COL6A1: variants seen among roughly 807,000 people sequenced by gnomAD.
COL6A1 encodes collagen alpha-1(VI) chain.
COL6A1 carries 80 observed loss-of-function variants against 145.6 expected under a neutral mutation model. The observed-to-expected ratio is 0.55, with a 90% confidence interval of 0.46 to 0.66. The LOEUF is 0.66. COL6A1 is among the 30% of genes least tolerant of loss of function. The probability of loss-of-function intolerance (pLI) is 0.00; values close to 1 mark genes in which losing one functional copy is unlikely to be tolerated. For synonymous variants in COL6A1, 638 were observed against 622.8 expected (o/e 1.02, Z -0.36); for missense variants, 1,364 against 1,473.8 (o/e 0.93, Z 1.22).
intron 30 of COL6A1, 84 bp downstream of exon 30, chr21:46,001,470 C>A: frequency 2.6e-6 from 4 of 1,551,588 alleles, no homozygotes. Context: ...AGACCTCAGC[C>A]TCCCGAGGCC....
Position 45,999,861 on chromosome 21 carries a change from C to CGTGAAGATCATAGGGGGACGT in COL6A1, c.1776+173_1776+174insAGATCATAGGGGGACGTGTGA, listed in dbSNP as rs1189768702. Among the ~76,000 whole-genome samples, 22,769 of 55,638 alleles carry CGTGAAGATCATAGGGGGACGT rather than the reference C, an allele frequency of 0.41. 5,518 individuals carry two copies. The highest frequency in any genetic ancestry group is 0.71 in the East Asian group (1,724 of 2,430). The allele number at this position is 55,638 out of a possible 152,430, so 36.5% of individuals were successfully genotyped here. On this transcript the variant is annotated intron_variant, in intron 27 of 34. Transcript: ENST00000361866. ...GACCCGTGACGGCCATGGGAGGACC[C>CGTGAAGATCATAGGGGGACGT]GTGAGGATCATAGGGGGATGTGTGA...
At chr21:45,993,759 A>G (rs1207891777) in intron 19 of COL6A1, among the ~76,000 whole-genome samples, 1 of 152,182 alleles carries the variant, frequency 6.6e-6, no homozygotes, top group East Asian at 1.9e-4. Flanking sequence ...ACTGCCTTCT[A>G]GGCCCACTCC....
At chr21:45,998,079 G>A (rs767586380) in intron 22 of COL6A1, 42 bp from the exon 23 acceptor site, 4 of 1,608,400 alleles carry the variant, frequency 2.5e-6, no homozygotes, top group Non-Finnish European at 3.4e-6. Context: ...GGTATCCCAG[G>A]CCAGGCCGAT....
In COL6A1 at chr21:45,990,784, G is replaced by A. The variant is rs2077772087; in HGVS notation, c.1014G>A (p.Gly338=). The A allele has an allele frequency of 6.2e-7, 1 of 1,613,376 alleles. No homozygotes were observed. The highest frequency in any genetic ancestry group is 8.5e-7 in the Non-Finnish European group (1 of 1,179,978). The change falls in exon 14 of 35, where the codon GGG becomes GGA. Residue 338 remains glycine (G), a synonymous_variant. Transcript: ENST00000361866. ...DGVDGVKGEM[G]YPGLPGCKGS... is the part of the protein sequence containing the mutation. ...CTTCCTCTTTCCAGGGGGAGATGGGGTACCCAGGCCTGCCAGGCTGCAAGG... is the reference window on the plus strand; with the variant it reads ...CTTCCTCTTTCCAGGGGGAGATGGGATACCCAGGCCTGCCAGGCTGCAAGG...
At chr21:45,997,603 C>G (rs2077813063) in intron 21 of COL6A1, 97 bp from the exon 22 acceptor site, 2 of 1,535,070 alleles carry the variant, frequency 1.3e-6, no homozygotes, top group Non-Finnish European at 1.8e-6. Flanking sequence ...GGTGTCCTGG[C>G]TCCCGATGGG....
chr21:45,985,100 A>C (rs897986131), intron 3 of COL6A1, among the ~76,000 whole-genome samples: 2 of 152,048 alleles, frequency 1.3e-5, no homozygotes, highest in African/African-American at 4.8e-5. Context: ...ACAGAGAGAC[A>C]GAGACAGAGG....
chr21:45,985,536 G>A (rs35383442), intron 3 of COL6A1, among the ~76,000 whole-genome samples: 23,788 of 152,204 alleles, frequency 0.16, 2,928 homozygotes, highest in African/African-American at 0.34. Flanking sequence ...CCCGAAGCAT[G>A]CGCTTTCTCG....
Position 45,994,239 on chromosome 21 carries a change from G to A in COL6A1, c.1398+10G>A, listed in dbSNP as rs143438559. 3.1e-4 allele frequency: 501 copies of A among 1,608,118 alleles called. No homozygotes were observed. Among genetic ancestry groups the A allele is most frequent in the Non-Finnish European group, 4.0e-4 (476 of 1,177,760 alleles). ...TGTCCCTGGAGACCCGGTAGGAAGC[G>A]CTGTGGGGTTGGGGGGCGTTGGCCA... On this transcript the variant is annotated intron_variant, in intron 20 of 34. Transcript: ENST00000361866. The surrounding 1 kb of genome is among the most constrained non-coding windows in gnomAD (Gnocchi z 6.8).
rs1018859285 is a variant in COL6A1 at position 46,004,128 on chromosome 21, T to A, written c.*115T>A. 24 of 1,440,070 alleles carry A rather than the reference T, an allele frequency of 1.7e-5. No individual in the cohort carries two copies. The highest frequency in any genetic ancestry group is 7.0e-5 in the African/African-American group (5 of 71,374). 89.2% of individuals were successfully genotyped at this position (1,440,070 alleles called of 1,614,324 possible). A position where few individuals can be genotyped will look rare whatever the true frequency, so the allele number is the denominator to read the frequency against. On this transcript the variant is annotated 3_prime_UTR_variant, in exon 35 of 35. Transcript: ENST00000361866. Reference sequence around the variant, plus strand: ...CCAACCTGATTCGCTAGATTTTTTTTAAGGAAAAGCTTGGAAAGCCAGGAC... The same window carrying A: ...CCAACCTGATTCGCTAGATTTTTTTAAAGGAAAAGCTTGGAAAGCCAGGAC...
In COL6A1 at chr21:45,994,322, T is replaced by G; in HGVS notation, c.1398+93T>G. The G allele has an allele frequency of 8.0e-7, 1 of 1,244,436 alleles. No homozygotes were observed. 77.1% of individuals were successfully genotyped at this position (1,244,436 alleles called of 1,614,324 possible). The stretch of plus-strand genomic sequence containing the variant: ...GCTCACGCACTGGGGGTCTGTTCAT[T>G]TCCGTTTGAGGGCCTCTGTGTTTCC... On this transcript the variant is annotated intron_variant, in intron 20 of 34. Transcript: ENST00000361866. This position sits in a 1 kb window ranked among gnomAD's most constrained non-coding sequence, Gnocchi z 6.8.
intron 15 of COL6A1, among the ~76,000 whole-genome samples, chr21:45,991,560 C>T (rs1393162548): frequency 3.3e-5 from 5 of 152,184 alleles, no homozygotes; most frequent in Admixed American, 3.3e-4. Context: ...CTGGTGTTTT[C>T]TCTGGAGTTT....
Position 46,004,509 on chromosome 21 carries a change from T to C in COL6A1, c.*496T>C, listed in dbSNP as rs1179870934. On this transcript the variant is annotated 3_prime_UTR_variant, in exon 35 of 35. Coordinates refer to ENST00000361866, the MANE Select transcript of COL6A1 (RefSeq NM_001848.3). The stretch of plus-strand genomic sequence containing the variant: ...CCCTCTCCTCTGTCCCCATAGCTGG[T>C]TTTTCCCACCAATCCTCACCTAACA... 4.5e-5 allele frequency: 14 copies of C among 309,578 alleles called. No individual in the cohort carries two copies. The highest frequency in any genetic ancestry group is 9.3e-5 in the Non-Finnish European group (14 of 150,220). The allele number at this position is 309,578 out of a possible 1,614,324, so 19.2% of individuals were successfully genotyped here.
intron 12 of COL6A1, 28 bp from the exon 13 acceptor site, chr21:45,990,350 C>T: frequency 6.3e-7 from 1 of 1,598,534 alleles, no homozygotes; most frequent in Non-Finnish European, 8.5e-7. Context: ...CTGCATCTGA[C>T]TCCTGCCTTC....
In COL6A1 at chr21:45,982,746, C is replaced by G. The variant is rs1569517616; in HGVS notation, c.210C>G (p.Ile70Met). ...TCAAGTCCTTCACCAAGCGCTTCATCGACAACCTGAGGGACAGGTAGGAGG... is the reference window on the plus strand; with the variant it reads ...TCAAGTCCTTCACCAAGCGCTTCATGGACAACCTGAGGGACAGGTAGGAGG... ...DKVKSFTKRF[I>M]DNLRDRYYRC... The change falls in exon 2 of 35, where the codon ATC becomes ATG. Residue 70 changes from isoleucine (I) to methionine (M), a missense_variant. Ile to Met is a conservative substitution (Grantham distance 10). Around this residue, in one of 3 missense-constraint regions of COL6A1, gnomAD observed 414 missense variants for 437.6 expected, o/e 0.95. Coordinates refer to ENST00000361866, the MANE Select transcript of COL6A1 (RefSeq NM_001848.3). 6.2e-7 allele frequency: 1 copy of G among 1,612,474 alleles called. No homozygotes were observed. Among genetic ancestry groups the G allele is most frequent in the Non-Finnish European group, 8.5e-7 (1 of 1,179,960 alleles).
chr21:46,003,279 C>G, intron 34 of COL6A1, 112 bp from the exon 35 acceptor site: 1 of 1,598,790 alleles, frequency 6.3e-7, no homozygotes, highest in East Asian at 2.2e-5. Context: ...ACTCCGGTGG[C>G]TGAGCACCAC....
At chr21:45,991,912 C>T in intron 15 of COL6A1, 98 bp from the exon 16 acceptor site, 1 of 1,219,160 alleles carries the variant, frequency 8.2e-7, no homozygotes, top group African/African-American at 1.5e-5. Flanking sequence ...GAGGGAGTGG[C>T]CTGAAGTATG....
At position 45,992,232 on chromosome 21, in the gene COL6A1, C is replaced by T. The variant is rs2077781028; in HGVS notation, c.1236+15C>T. 2.5e-6 allele frequency: 4 copies of T among 1,613,654 alleles called. No homozygotes were observed. Among genetic ancestry groups the T allele is most frequent in the Non-Finnish European group, 3.4e-6 (4 of 1,179,982 alleles). On this transcript the variant is annotated intron_variant, in intron 17 of 34. Coordinates refer to ENST00000361866, the MANE Select transcript of COL6A1 (RefSeq NM_001848.3). Reference sequence around the variant, plus strand: ...CGGGCGACGAGGTGAGTGAGGGCTCCTGACACCTTCCTGGGGAAGTGCATG... The same window carrying T: ...CGGGCGACGAGGTGAGTGAGGGCTCTTGACACCTTCCTGGGGAAGTGCATG...
At position 46,003,714 on chromosome 21, in the gene COL6A1, G is replaced by T; in HGVS notation, c.2788G>T (p.Ala930Ser). 6.2e-7 allele frequency: 1 copy of T among 1,613,028 alleles called. No homozygotes were observed. The highest frequency in any genetic ancestry group is 1.1e-5 in the South Asian group (1 of 91,080). ...LGYVTRFYREASSGAAKKRLL... is the reference protein window; with the variant it reads ...LGYVTRFYRESSSGAAKKRLL... Reference sequence around the variant, plus strand: ...CTATGTGACCCGCTTCTACCGCGAGGCCTCGTCCGGCGCTGCCAAGAAGAG... The same window carrying T: ...CTATGTGACCCGCTTCTACCGCGAGTCCTCGTCCGGCGCTGCCAAGAAGAG... The change falls in exon 35 of 35, where the codon GCC becomes TCC. Residue 930 changes from alanine (A) to serine (S), a missense_variant. Physicochemically the swap from Ala to Ser is moderately conservative, Grantham distance 99. Transcript: ENST00000361866.
At chr21:46,002,486 C>T (rs1057121573) in intron 32 of COL6A1, 41 bp from the exon 33 acceptor site, 15 of 1,613,314 alleles carry the variant, frequency 9.3e-6, no homozygotes, top group Non-Finnish European at 1.2e-5. Flanking sequence ...AAGACGAGGG[C>T]AGAGCAGGCT....
Sources: allele counts gnomAD v4.1 joint callset (sites outside exome capture counted in the v4.1 genomes callset), GRCh38; gene constraint gnomAD v4.1.1; regional missense constraint gnomAD v4.1.1; non-coding constraint Gnocchi (gnomAD v3.1); transcripts MANE v1.5; gene names NCBI Gene and HGNC (gene_info 2026-07-23, HGNC 2026-07-21).